Variants in PLPPR1 observed in about 807,000 individuals in gnomAD.
The protein encoded by PLPPR1 is phospholipid phosphatase-related protein type 1.
PLPPR1 carries 10 observed loss-of-function variants against 33.1 expected under a neutral mutation model. That is an observed-to-expected ratio of 0.30 (90% CI 0.19 to 0.51). The LOEUF is 0.51. PLPPR1 is among the 20% of genes least tolerant of loss of function. The pLI is 0.97. For synonymous variants in PLPPR1, 151 were observed against 151.0 expected, an observed-to-expected ratio of 1.00 and a Z score of 0.00; for missense variants, 304 against 408.1, an observed-to-expected ratio of 0.74 and a Z score of 2.20.
At chr9:101,194,321 C>A (rs772183210) in intron 2 of PLPPR1, among the ~76,000 whole-genome samples, 4 of 152,130 alleles carry the variant, frequency 2.6e-5, no homozygotes, top group Non-Finnish European at 5.9e-5. Context: ...AGTTGAAGCT[C>A]CCATGAACCC....
At chr9:101,186,918 C>G (rs1049545747) in intron 2 of PLPPR1, among the ~76,000 whole-genome samples, 12 of 151,840 alleles carry the variant, frequency 7.9e-5, no homozygotes, top group Non-Finnish European at 1.6e-4. Context: ...AATGGGTAAA[C>G]AAAGAACTCA....
chr9:101,132,083 A>G (rs1831320388), intron 1 of PLPPR1, among the ~76,000 whole-genome samples: 1 of 152,230 alleles, frequency 6.6e-6, no homozygotes, highest in South Asian at 2.1e-4. Context: ...GTCTTAGACT[A>G]TTTGGATAGT....
At chr9:101,158,306 G>GGGTTTCATCACAGTGAGGAAAGAT (rs1831723680) in intron 1 of PLPPR1, among the ~76,000 whole-genome samples, 1 of 152,098 alleles carries the variant, frequency 6.6e-6, no homozygotes, top group Non-Finnish European at 1.5e-5. Flanking sequence ...AGATGAGAGA[G>GGGTTTCATCACAGTGAGGAAAGAT]GGTTTCATCA....
intron 1 of PLPPR1, among the ~76,000 whole-genome samples, chr9:101,158,159 TAAA>T (rs573137652): frequency 1.3e-5 from 2 of 152,054 alleles, no homozygotes; most frequent in Non-Finnish European, 2.9e-5. Context: ...TGTTATTTAG[TAAA>T]AAAAGCTTCA....
At chr9:101,272,138 T>C (rs1828112933) in intron 3 of PLPPR1, among the ~76,000 whole-genome samples, 1 of 152,178 alleles carries the variant, frequency 6.6e-6, no homozygotes, top group South Asian at 2.1e-4. Flanking sequence ...GAAAACTCTA[T>C]GAAGATATTT....
chr9:101,081,430 T>C (rs930339205), intron 1 of PLPPR1, among the ~76,000 whole-genome samples: 1 of 152,078 alleles, frequency 6.6e-6, no homozygotes, highest in African/African-American at 2.4e-5. Flanking sequence ...CCTGACCTCA[T>C]GATCCACCCA....
At chr9:101,233,543 C>T (rs1007263639) in intron 2 of PLPPR1, among the ~76,000 whole-genome samples, 50 of 151,876 alleles carry the variant, frequency 3.3e-4, no homozygotes, top group Non-Finnish European at 5.9e-5. Context: ...AGTATTAAGA[C>T]GTAGGACTTT....
intron 4 of PLPPR1, among the ~76,000 whole-genome samples, chr9:101,294,886 T>G (rs528599004): frequency 1.2e-3 from 189 of 152,288 alleles, no homozygotes; most frequent in African/African-American, 4.3e-3. Flanking sequence ...CTTTGAAAAC[T>G]GGCACAAGAC....
chr9:101,052,572 G>C (rs1830234369), intron 1 of PLPPR1, among the ~76,000 whole-genome samples: 1 of 152,140 alleles, frequency 6.6e-6, no homozygotes. Context: ...GGAGTGGCTG[G>C]GATTTCCCTC....
chr9:101,299,323 T>C (rs983487441), intron 4 of PLPPR1, among the ~76,000 whole-genome samples: 1 of 152,092 alleles, frequency 6.6e-6, no homozygotes, highest in African/African-American at 2.4e-5. Flanking sequence ...CTACTAGGGA[T>C]CAGGATTGGG....
At chr9:101,078,189 A>G (rs1262991421) in intron 1 of PLPPR1, among the ~76,000 whole-genome samples, 98 of 5,936 alleles carry the variant, frequency 0.017, 27 homozygotes, top group Admixed American at 0.046. Context: ...GAAGAAGAGG[A>G]GGGGGGGAGG....
chr9:101,158,820 T>C (rs1831734204), intron 1 of PLPPR1, among the ~76,000 whole-genome samples: 1 of 151,478 alleles, frequency 6.6e-6, no homozygotes, highest in Non-Finnish European at 1.5e-5. Context: ...TTGCAGATAC[T>C]GCACAGCTGG....
chr9:101,046,606 A>AT (rs1830151514), intron 1 of PLPPR1, among the ~76,000 whole-genome samples: 1 of 151,510 alleles, frequency 6.6e-6, no homozygotes, highest in African/African-American at 2.4e-5. Flanking sequence ...CGCCCAGCTA[A>AT]TTTTTTTGTG....
chr9:101,188,907 T>C (rs919809777), intron 2 of PLPPR1, among the ~76,000 whole-genome samples: 1 of 152,094 alleles, frequency 6.6e-6, no homozygotes, highest in Non-Finnish European at 1.5e-5. Context: ...TTTTTTTCAG[T>C]TGGGCTTCTT....
chr9:101,106,435 T>C lies in PLPPR1; in HGVS notation c.-46+77333T>C, dbSNP rs570658080. 6.2e-3 allele frequency among the ~76,000 whole-genome samples: 790 copies of C among 127,836 alleles called. 23 individuals carry two copies. The highest frequency in any genetic ancestry group is 0.025 in the African/African-American group (760 of 30,654). The allele number at this position is 127,836 out of a possible 152,430, so 83.9% of individuals were successfully genotyped here. A position where few individuals can be genotyped will look rare whatever the true frequency, so the allele number is the denominator to read the frequency against. The stretch of plus-strand genomic sequence containing the variant: ...CTTTGTTTGGCTGGATATGAAATTC[T>C]GGGTTGAAAATTCTTTCCTTTAAGA... On this transcript the variant is annotated intron_variant, in intron 1 of 7. Transcript: ENST00000374874.
chr9:101,291,622 T>A (rs1277745234), intron 4 of PLPPR1, among the ~76,000 whole-genome samples: 2 of 152,166 alleles, frequency 1.3e-5, no homozygotes, highest in Non-Finnish European at 2.9e-5. Context: ...ACAGCAGCAT[T>A]CGCAGTTTAC....
In PLPPR1 at chr9:101,317,396, C is replaced by T. The variant is rs778803378; in HGVS notation, c.845C>T (p.Thr282Met). The change falls in exon 7 of 8, where the codon ACG becomes ATG. Residue 282 changes from threonine (T) to methionine (M), a missense_variant. By Grantham distance (81) the Thr-to-Met change is moderately conservative (BLOSUM62 -1). Transcript: ENST00000374874. ...TGTGTGGTTCATAACTTTAAAGGAA[C>T]GCAAGGATCTCCTTCCAAACCCAAG... ...GMCVVHNFKG[T>M]QGSPSKPKPE... 5.6e-6 allele frequency: 9 copies of T among 1,613,872 alleles called. No homozygotes were observed. Among genetic ancestry groups the T allele is most frequent in the Admixed American group, 1.7e-5 (1 of 59,988 alleles).
At chr9:101,107,569 A>T (rs1164678133) in intron 1 of PLPPR1, among the ~76,000 whole-genome samples, 1 of 53,562 alleles carries the variant, frequency 1.9e-5, no homozygotes, top group Non-Finnish European at 3.7e-5. Context: ...AGACAGGGAC[A>T]CTTAAGTCTG....
At chr9:101,064,182 A>T (rs1221697333) in intron 1 of PLPPR1, among the ~76,000 whole-genome samples, 1 of 152,100 alleles carries the variant, frequency 6.6e-6, no homozygotes, top group African/African-American at 2.4e-5. Context: ...GAATTATTTT[A>T]AAGTAACTAT....
Sources: allele counts gnomAD v4.1 joint callset (sites outside exome capture counted in the v4.1 genomes callset), GRCh38; gene constraint gnomAD v4.1.1; transcripts MANE v1.5; gene names NCBI Gene and HGNC (gene_info 2026-07-23, HGNC 2026-07-21).